HIP1: variants seen among roughly 807,000 people sequenced by gnomAD.
HIP1 encodes the protein huntingtin-interacting protein 1.
Under a neutral mutation model 147.6 loss-of-function variants are expected in HIP1, and 65 were observed. That is an observed-to-expected ratio of 0.44 (90% confidence interval 0.36 to 0.54). The LOEUF is 0.54. Ranked by LOEUF, HIP1 falls within the 20% of genes least tolerant of loss-of-function variation. HIP1 has a pLI of 0.00. For missense variants in HIP1, 1,061 were observed against 1,299.6 expected (o/e 0.82, Z 2.82); for synonymous variants, 479 against 504.0 (o/e 0.95, Z 0.67).
intron 1 of HIP1, among the ~76,000 whole-genome samples, chr7:75,718,139 A>G (rs1468947634): frequency 6.6e-6 from 1 of 152,024 alleles, no homozygotes; most frequent in Admixed American, 6.6e-5. Flanking sequence ...TTTAAAAATT[A>G]GATTAGTTTT....
intron 1 of HIP1, among the ~76,000 whole-genome samples, chr7:75,675,886 A>G (rs1554515925): frequency 6.6e-6 from 1 of 152,024 alleles, no homozygotes; most frequent in African/African-American, 2.4e-5. Flanking sequence ...GAGACTAAGG[A>G]AGGAGGATCA....
At chr7:75,547,985 T>G (rs1794634603) in intron 23 of HIP1, among the ~76,000 whole-genome samples, 172 bp from the exon 24 acceptor site, 1 of 152,030 alleles carries the variant, frequency 6.6e-6, no homozygotes. Context: ...GACTCTAACC[T>G]ATTCAGGGGG....
intron 1 of HIP1, among the ~76,000 whole-genome samples, chr7:75,714,397 C>G (rs1254200795): frequency 2.0e-5 from 3 of 151,816 alleles, no homozygotes; most frequent in Non-Finnish European, 1.5e-5. Flanking sequence ...AAAAGTAGTG[C>G]AGAGTTCCCA....
intron 29 of HIP1, among the ~76,000 whole-genome samples, chr7:75,540,746 C>G (rs1442267776): frequency 6.6e-6 from 1 of 152,028 alleles, no homozygotes; most frequent in Non-Finnish European, 1.5e-5. Context: ...CTCGCTGATA[C>G]CTATTTTACA....
At chr7:75,552,580 C>T (rs1794825917) in intron 22 of HIP1, among the ~76,000 whole-genome samples, 1 of 151,904 alleles carries the variant, frequency 6.6e-6, no homozygotes, top group Non-Finnish European at 1.5e-5. Flanking sequence ...TGATATTGAA[C>T]TCCTGGCCTC....
intron 1 of HIP1, among the ~76,000 whole-genome samples, chr7:75,609,900 T>C (rs1797365194): frequency 6.8e-6 from 1 of 146,184 alleles, no homozygotes; most frequent in East Asian, 2.2e-4. Flanking sequence ...TTTCTCTTCT[T>C]TTCTTTTTTT....
At chr7:75,661,580 A>AG (rs1293843488) in intron 1 of HIP1, among the ~76,000 whole-genome samples, 3 of 151,058 alleles carry the variant, frequency 2.0e-5, no homozygotes, top group African/African-American at 7.3e-5. Flanking sequence ...CTCAAAAAAA[A>AG]AAAAAAAAAA....
At chr7:75,693,250 T>C (rs1384024705) in intron 1 of HIP1, among the ~76,000 whole-genome samples, 1 of 152,144 alleles carries the variant, frequency 6.6e-6, no homozygotes, top group African/African-American at 2.4e-5. Context: ...TTTCCATTCT[T>C]GTTCAATGTG....
intron 1 of HIP1, among the ~76,000 whole-genome samples, chr7:75,613,540 A>G (rs782352653): frequency 4.6e-5 from 7 of 152,066 alleles, no homozygotes; most frequent in Non-Finnish European, 7.4e-5. Context: ...TTTACTTCTC[A>G]TCCGCCTTTG....
intron 6 of HIP1, 77 bp downstream of exon 6, chr7:75,581,998 C>T (rs1796071905): frequency 8.0e-7 from 1 of 1,251,168 alleles, no homozygotes; most frequent in Non-Finnish European, 1.1e-6. Flanking sequence ...CCATCAGGCC[C>T]TCCATGACCC....
chr7:75,733,267 C>A (rs1203573072), intron 1 of HIP1, among the ~76,000 whole-genome samples: 1 of 152,022 alleles, frequency 6.6e-6, no homozygotes, highest in Non-Finnish European at 1.5e-5. Flanking sequence ...TTACCAAGCT[C>A]TTTGAGTCAC....
At chr7:75,597,065 G>T (rs146259801) in intron 2 of HIP1, among the ~76,000 whole-genome samples, 15 of 152,084 alleles carry the variant, frequency 9.9e-5, no homozygotes, top group Non-Finnish European at 1.6e-4. Flanking sequence ...TTGAATCATC[G>T]CAAGGGTACC....
chr7:75,714,042 T>TTTTTTC (rs1554520342), intron 1 of HIP1, among the ~76,000 whole-genome samples: 1 of 151,520 alleles, frequency 6.6e-6, no homozygotes, highest in Non-Finnish European at 1.5e-5. Context: ...TTTTATTTTA[T>TTTTTTC]TTTTTCTTTT....
chr7:75,610,204 T>G (rs62478487), intron 1 of HIP1, among the ~76,000 whole-genome samples: 1 of 56,776 alleles, frequency 1.8e-5, no homozygotes, highest in Non-Finnish European at 2.7e-5. Flanking sequence ...CATCCAGCCC[T>G]TTTTTTTTTT....
At chr7:75,637,493 C>G (rs1387155471) in intron 1 of HIP1, among the ~76,000 whole-genome samples, 1 of 145,330 alleles carries the variant, frequency 6.9e-6, no homozygotes, top group Non-Finnish European at 1.5e-5. Context: ...GAAAGAACTA[C>G]TGCTTAGTTT....
intron 1 of HIP1, among the ~76,000 whole-genome samples, chr7:75,725,965 C>T (rs1462132926): frequency 6.6e-6 from 1 of 151,876 alleles, no homozygotes; most frequent in Non-Finnish European, 1.5e-5. Context: ...GGATTACAGG[C>T]ATGTACCACC....
In HIP1 at chr7:75,718,614, T is replaced by C. The variant is rs887256952; in HGVS notation, c.120+20187A>G. ...CTTGGAGCCAACGTTCTTCCTGGCC[T>C]ATCTCTACCCTTGCTCTCCAGCCTT... is the stretch of plus-strand genomic sequence containing the variant. On this transcript the variant is annotated intron_variant, in intron 1 of 30. Coordinates refer to ENST00000336926, the MANE Select transcript of HIP1 (RefSeq NM_005338.7). 2.0e-5 allele frequency among the ~76,000 whole-genome samples: 3 copies of C among 152,224 alleles called. No individual in the cohort carries two copies. The East Asian group carries it at 5.8e-4, about 29-fold the overall frequency.
At chr7:75,651,933 C>CAGTT (rs1554512034) in intron 1 of HIP1, among the ~76,000 whole-genome samples, 1 of 151,040 alleles carries the variant, frequency 6.6e-6, no homozygotes, top group Non-Finnish European at 1.5e-5. Context: ...CGCTTGAACC[C>CAGTT]GTGAGGCGGA....
chr7:75,680,542 C>T (rs1385092313), intron 1 of HIP1, among the ~76,000 whole-genome samples: 1 of 152,154 alleles, frequency 6.6e-6, no homozygotes, highest in Non-Finnish European at 1.5e-5. Context: ...AATACAGATG[C>T]AATCATAACA....
Sources: allele counts gnomAD v4.1 joint callset (sites outside exome capture counted in the v4.1 genomes callset), GRCh38; gene constraint gnomAD v4.1.1; transcripts MANE v1.5; gene names NCBI Gene and HGNC (gene_info 2026-07-23, HGNC 2026-07-21).